The following SOD3 variants were observed in gnomAD, a reference collection of about 807,000 sequenced individuals.
The protein encoded by SOD3 is superoxide dismutase 3.
SOD3 carries 3 observed loss-of-function variants against 2.6 expected under a neutral mutation model. The observed-to-expected ratio is 1.13, with a 90% CI of 0.52 to 2.93. The LOEUF is 2.93. SOD3 is among the 30% of genes most tolerant of loss of function. SOD3 has a pLI of 0.04. For synonymous variants in SOD3, 188 were observed against 177.5 expected, an observed-to-expected ratio of 1.06 and a Z score of -0.47; for missense variants, 379 against 370.4, an observed-to-expected ratio of 1.02 and a Z score of -0.19.
chr4:24,796,926 G>T (rs1713683241), intron 1 of SOD3, among the ~76,000 whole-genome samples: 1 of 152,140 alleles, frequency 6.6e-6, no homozygotes, highest in Admixed American at 6.5e-5. Context: ...TAGGAGGAAG[G>T]TGTCTTTGAT....
In SOD3 at chr4:24,799,747, C is replaced by T; in HGVS notation, c.226C>T (p.Pro76Ser). The T allele has an allele frequency of 1.3e-6, 2 of 1,561,760 alleles. No homozygotes were observed. Among genetic ancestry groups the T allele is most frequent in the Non-Finnish European group, 1.7e-6 (2 of 1,159,750 alleles). ...GTCGGCCACGCTGGACGCCGCGCAGCCCCGGGTGACCGGCGTCGTCCTCTT... is the reference window on the plus strand; with the variant it reads ...GTCGGCCACGCTGGACGCCGCGCAGTCCCGGGTGACCGGCGTCGTCCTCTT... ...QPSATLDAAQ[P>S]RVTGVVLFRQ... Residue 76 changes from proline (P) to serine (S), a missense_variant, in exon 2 of 2, where the codon CCC becomes TCC. Coordinates refer to ENST00000382120, the MANE Select transcript of SOD3 (RefSeq NM_003102.4).
rs771160625 is a variant in SOD3, at chr4:24,799,911, CCACTACAACCCGCTGGCCGTGCCG to C, written c.394_417del (p.Tyr132_His139del). On this transcript the variant is annotated inframe_deletion, in exon 2 of 2. Coordinates refer to ENST00000382120, the MANE Select transcript of SOD3 (RefSeq NM_003102.4). ...GCCAGGGCTGCGAGTCCACCGGGCC[CCACTACAACCCGCTGGCCGTGCCG>C]CACCCGCAGCACCCGGGCGACTTCG... 9 of 1,599,844 alleles carry C rather than the reference CCACTACAACCCGCTGGCCGTGCCG, an allele frequency of 5.6e-6. No homozygotes were observed. The highest frequency in any genetic ancestry group is 7.6e-6 in the Non-Finnish European group (9 of 1,178,640).
rs1339900993 is a variant in SOD3 at position 24,799,711 on chromosome 4, C to A, written c.190C>A (p.Gln64Lys). The change falls in exon 2 of 2, where the codon CAG becomes AAG. Residue 64 changes from glutamine (Q) to lysine (K), a missense_variant. Gln to Lys is a moderately conservative substitution (Grantham distance 53). Transcript: ENST00000382120. ...CGACGGCGCGCTCCACGCCGCCTGC[C>A]AGGTGCAGCCGTCGGCCACGCTGGA... ...DDDGALHAAC[Q>K]VQPSATLDAA... 1 of 1,570,290 alleles carries A rather than the reference C, an allele frequency of 6.4e-7. No homozygotes were observed. The highest frequency in any genetic ancestry group is 1.3e-5 in the African/African-American group (1 of 74,158).
At chr4:24,797,836 A>G (rs1381376958) in intron 1 of SOD3, among the ~76,000 whole-genome samples, 3 of 152,274 alleles carry the variant, frequency 2.0e-5, no homozygotes, top group East Asian at 3.9e-4. Flanking sequence ...CCTTCAAAGC[A>G]ATTCTTTGGA....
chr4:24,796,028 T>C (rs866945210), intron 1 of SOD3, among the ~76,000 whole-genome samples: 34 of 152,272 alleles, frequency 2.2e-4, no homozygotes, highest in Admixed American at 1.4e-3. Flanking sequence ...AGAGAGGCCC[T>C]GGCCAGCTCA....
Position 24,800,139 on chromosome 4 carries a change from C to G in SOD3, c.618C>G (p.Ala206=), listed in dbSNP as rs776252122. ...ACGGGAACGCGGGCCGGCGGCTGGC[C>G]TGCTGCGTGGTGGGCGTGTGCGGGC... ...VENGNAGRRL[A]CCVVGVCGPG... Residue 206 remains alanine (A), a synonymous_variant, in exon 2 of 2, where the codon GCC becomes GCG. Transcript: ENST00000382120. 9 of 1,385,586 alleles carry G rather than the reference C, an allele frequency of 6.5e-6. No individual in the cohort carries two copies. Among genetic ancestry groups the G allele is most frequent in the Middle Eastern group, 4.8e-4 (2 of 4,136 alleles). 85.8% of individuals were successfully genotyped at this position (1,385,586 alleles called of 1,614,324 possible). A position where few individuals can be genotyped will look rare whatever the true frequency, so the allele number is the denominator to read the frequency against.
In SOD3 at chr4:24,799,622, G is replaced by A; in HGVS notation, c.101G>A (p.Trp34Ter). The part of the protein sequence containing the change: ...SAEPNSDSAE[W>*]IRDMYAKVTE... ...GAGCCCAACTCTGACTCGGCGGAGT[G>A]GATCCGAGACATGTACGCCAAGGTC... is the stretch of plus-strand genomic sequence containing the variant. Residue 34 changes from tryptophan to a stop codon, truncating the protein, a stop_gained, in exon 2 of 2, where the codon TGG becomes TAG. Coordinates refer to ENST00000382120, the MANE Select transcript of SOD3 (RefSeq NM_003102.4). LOFTEE classifies it low-confidence loss of function (END_TRUNC). 1 of 1,604,862 alleles carries A rather than the reference G, an allele frequency of 6.2e-7. No individual in the cohort carries two copies. Among genetic ancestry groups the A allele is most frequent in the South Asian group, 1.1e-5 (1 of 90,228 alleles).
chr4:24,799,600 CCCAACTCTGACTCGGCGGAGT>C lies in SOD3; in HGVS notation c.80_100del (p.Pro27_Trp34delinsArg). The C allele has an allele frequency of 1.2e-6, 2 of 1,604,258 alleles. No homozygotes were observed. Among genetic ancestry groups the C allele is most frequent in the Non-Finnish European group, 1.7e-6 (2 of 1,178,604 alleles). On this transcript the variant is annotated inframe_deletion, in exon 2 of 2. Coordinates refer to ENST00000382120, the MANE Select transcript of SOD3 (RefSeq NM_003102.4). ...CTGGACGGGCGAGGACTCGGCGGAG[CCCAACTCTGACTCGGCGGAGT>C]GGATCCGAGACATGTACGCCAAGGT...
In SOD3 at chr4:24,799,755, G is replaced by C; in HGVS notation, c.234G>C (p.Val78=). The change falls in exon 2 of 2, where the codon GTG becomes GTC. Residue 78 remains valine, a synonymous_variant. Transcript: ENST00000382120. The part of the protein sequence containing the change: ...SATLDAAQPR[V]TGVVLFRQLA... ...CGCTGGACGCCGCGCAGCCCCGGGT[G>C]ACCGGCGTCGTCCTCTTCCGGCAGC... 6.4e-7 allele frequency: 1 copy of C among 1,563,364 alleles called. No homozygotes were observed. Among genetic ancestry groups the C allele is most frequent in the Non-Finnish European group, 8.6e-7 (1 of 1,160,768 alleles).
At chr4:24,796,433 C>CTTTT (rs1560188918) in intron 1 of SOD3, among the ~76,000 whole-genome samples, 3 of 78,454 alleles carry the variant, frequency 3.8e-5, no homozygotes, top group African/African-American at 4.3e-5. Context: ...CCTCCTTCTT[C>CTTTT]TCTTTTTTTT....
chr4:24,797,547 T>C (rs1232972620), intron 1 of SOD3, among the ~76,000 whole-genome samples: 1 of 152,218 alleles, frequency 6.6e-6, no homozygotes, highest in Non-Finnish European at 1.5e-5. Flanking sequence ...TCTGTATTAG[T>C]ATCCCTATTT....
Position 24,799,544 on chromosome 4 carries a change from G to A in SOD3, c.23G>A (p.Cys8Tyr), listed in dbSNP as rs1312887309. 1 of 1,600,494 alleles carries A rather than the reference G, an allele frequency of 6.2e-7. No homozygotes were observed. The highest frequency in any genetic ancestry group is 8.5e-7 in the Non-Finnish European group (1 of 1,179,222). The change falls in exon 2 of 2, where the codon TGC (cysteine) becomes TAC (tyrosine). Residue 8 changes from cysteine to tyrosine, a missense_variant. Coordinates refer to ENST00000382120, the MANE Select transcript of SOD3 (RefSeq NM_003102.4). ...GCCATGCTGGCGCTACTGTGTTCCT[G>A]CCTGCTCCTGGCAGCCGGTGCCTCG... MLALLCS[C>Y]LLLAAGASDA...
At chr4:24,796,621 T>C (rs1228145611) in intron 1 of SOD3, among the ~76,000 whole-genome samples, 1 of 85,732 alleles carries the variant, frequency 1.2e-5, no homozygotes, top group Non-Finnish European at 2.7e-5. Flanking sequence ...CACACCCAGC[T>C]ATTTTTTTTT....
At chr4:24,796,435 CTTTTTT>C (rs34368349) in intron 1 of SOD3, among the ~76,000 whole-genome samples, 39 of 71,978 alleles carry the variant, frequency 5.4e-4, no homozygotes, top group African/African-American at 1.9e-3. Flanking sequence ...TCCTTCTTCT[CTTTTTT>C]TTTTTTTTTT....
intron 1 of SOD3, 62 bp from the exon 2 acceptor site, chr4:24,799,444 G>T (rs1401916055): frequency 6.5e-7 from 1 of 1,549,134 alleles, no homozygotes; most frequent in African/African-American, 1.4e-5. Flanking sequence ...GGGTCCCTGA[G>T]ATTCTATGTT....
At chr4:24,798,077 C>A (rs1363757631) in intron 1 of SOD3, among the ~76,000 whole-genome samples, 1 of 148,166 alleles carries the variant, frequency 6.7e-6, no homozygotes, top group Non-Finnish European at 1.5e-5. Context: ...CCCTTCCTTC[C>A]TCTCTCTCTG....
intron 1 of SOD3, among the ~76,000 whole-genome samples, chr4:24,798,464 C>T (rs761367541): frequency 6.6e-6 from 1 of 152,026 alleles, no homozygotes; most frequent in African/African-American, 2.4e-5. Context: ...CCTCTGTGTG[C>T]ACCACCTGCA....
intron 1 of SOD3, among the ~76,000 whole-genome samples, chr4:24,796,574 A>G (rs1176981951): frequency 1.4e-5 from 2 of 145,154 alleles, no homozygotes; most frequent in Non-Finnish European, 3.0e-5. Context: ...CTCCTACCTC[A>G]ACCTCCTGAG....
At position 24,799,680 on chromosome 4, in the gene SOD3, G is replaced by GGAC. The variant is rs1414527228; in HGVS notation, c.167_169dup (p.Asp56dup). The GGAC allele has an allele frequency of 6.3e-7, 1 of 1,591,332 alleles. No homozygotes were observed. The highest frequency in any genetic ancestry group is 2.3e-5 in the East Asian group (1 of 43,590). ...TCTGGCAGGAGGTCATGCAGCGGCG[G>GGAC]GACGACGACGGCGCGCTCCACGCCG... On this transcript the variant is annotated inframe_insertion, in exon 2 of 2. Transcript: ENST00000382120.
Sources: allele counts gnomAD v4.1 joint callset (sites outside exome capture counted in the v4.1 genomes callset), GRCh38; gene constraint gnomAD v4.1.1; transcripts MANE v1.5; gene names NCBI Gene and HGNC (gene_info 2026-07-23, HGNC 2026-07-21).